ADGRG1: variants seen among roughly 807,000 people sequenced by gnomAD.
The protein encoded by ADGRG1 is adhesion G protein-coupled receptor G1.
Under a neutral mutation model 73.5 loss-of-function variants are expected in ADGRG1, and 53 were observed. That is an observed-to-expected ratio of 0.72 (90% CI 0.58 to 0.91). The LOEUF is 0.91. ADGRG1 is among the 40% of genes least tolerant of loss of function. The pLI is 0.00. For synonymous variants in ADGRG1, 394 were observed against 374.4 expected (o/e 1.05, Z -0.60); for missense variants, 795 against 871.8 (o/e 0.91, Z 1.11).
chr16:57,622,855 TG>T, upstream of ADGRG1: 1 of 985,170 alleles, frequency 1.0e-6, no homozygotes, highest in Non-Finnish European at 1.2e-6. Flanking sequence ...CAGGCGGGGG[TG>T]GACCTTGGAG....
intron 1 of ADGRG1, chr16:57,643,819 G>A (rs2041485306): frequency 1.0e-6 from 1 of 984,544 alleles, no homozygotes; most frequent in Non-Finnish European, 1.2e-6. Flanking sequence ...ATGGGGGAGG[G>A]GAGTGGGAAT....
intron 1 of ADGRG1, chr16:57,646,738 ACAGCCTTCCC>A: frequency 1.0e-6 from 1 of 972,712 alleles, no homozygotes; most frequent in Non-Finnish European, 1.2e-6. Flanking sequence ...CTCAGAACAC[ACAGCCTTCCC>A]CAGCCTCAGT....
At chr16:57,644,184 C>T (rs1437641374) in intron 1 of ADGRG1, 2 of 985,218 alleles carry the variant, frequency 2.0e-6, no homozygotes, top group Non-Finnish European at 2.4e-6. Flanking sequence ...CTTTCTCCTC[C>T]TGGCCCCATG....
At chr16:57,642,331 A>T (rs757210461) in intron 1 of ADGRG1, 8 of 985,288 alleles carry the variant, frequency 8.1e-6, no homozygotes, top group Non-Finnish European at 9.6e-6. Context: ...AGTGTCAGGG[A>T]TGATGATGAG....
chr16:57,650,128 CT>C, intron 1 of ADGRG1, 124 bp from the exon 2 acceptor site: 2 of 1,520,522 alleles, frequency 1.3e-6, no homozygotes, highest in Non-Finnish European at 1.8e-6. Flanking sequence ...GGTCCATGGG[CT>C]TTTTCCACAC....
At chr16:57,634,598 A>G in intron 1 of ADGRG1, 1 of 459,466 alleles carries the variant, frequency 2.2e-6, no homozygotes, top group Non-Finnish European at 2.9e-6. Context: ...CAGAGCCCGA[A>G]CCCAGTCTCC....
At position 57,640,826 on chromosome 16, in the gene ADGRG1, T is replaced by C. The variant is rs1271844867; in HGVS notation, c.-35-9427T>C. ...TGGTGGCCAGCCTGGGAATGCTAAGTGTCCTGCGCTCCAAAGATGGGAGTT... is the reference window on the plus strand; with the variant it reads ...TGGTGGCCAGCCTGGGAATGCTAAGCGTCCTGCGCTCCAAAGATGGGAGTT... On this transcript the variant is annotated intron_variant, in intron 1 of 13. Coordinates refer to ENST00000562631, the MANE Select transcript of ADGRG1 (RefSeq NM_201525.4). 23 of 923,568 alleles carry C rather than the reference T, an allele frequency of 2.5e-5. No individual in the cohort carries two copies. The African/African-American group carries it at 3.7e-4, about 15-fold the overall frequency. 57.2% of individuals were successfully genotyped at this position (923,568 alleles called of 1,614,324 possible).
At chr16:57,631,049 C>A in intron 1 of ADGRG1, 1 of 985,326 alleles carries the variant, frequency 1.0e-6, no homozygotes, top group Non-Finnish European at 1.2e-6. Context: ...CCCAGCAGGA[C>A]GGGGAGGGCC....
intron 1 of ADGRG1, chr16:57,645,074 C>T (rs1392829252): frequency 1.0e-6 from 1 of 985,318 alleles, no homozygotes; most frequent in Non-Finnish European, 1.2e-6. Context: ...CACACACACC[C>T]ACATGCCTGT....
At chr16:57,646,860 G>A in intron 1 of ADGRG1, 8 of 883,164 alleles carry the variant, frequency 9.1e-6, no homozygotes, top group Non-Finnish European at 1.1e-5. Flanking sequence ...ATCATTGCGG[G>A]GGTGTTGCTA....
intron 13 of ADGRG1, 136 bp downstream of exon 13, chr16:57,662,101 C>T (rs2047243403): frequency 2.6e-6 from 2 of 767,640 alleles, no homozygotes; most frequent in Admixed American, 1.9e-5. Flanking sequence ...TGGGGACATC[C>T]AGGCCACAGT....
At chr16:57,627,119 G>A, upstream of ADGRG1, 1 of 889,776 alleles carries the variant, frequency 1.1e-6, no homozygotes, top group Non-Finnish European at 1.3e-6. Context: ...GCACCCCACG[G>A]GGTGGCTTTG....
At position 57,651,299 on chromosome 16, in the gene ADGRG1, G is replaced by A. The variant is rs1168999160; in HGVS notation, c.164G>A (p.Arg55His). 14 of 1,614,110 alleles carry A rather than the reference G, an allele frequency of 8.7e-6. No homozygotes were observed. The highest frequency in any genetic ancestry group is 1.2e-5 in the Non-Finnish European group (14 of 1,179,994). ...SLHYKPTPDL[R>H]ISIENSEEAL... is the part of the protein sequence containing the mutation. ...CACTACAAACCCACACCAGACCTGCGCATCTCCATCGAGAACTCCGAAGAG... is the reference window on the plus strand; with the variant it reads ...CACTACAAACCCACACCAGACCTGCACATCTCCATCGAGAACTCCGAAGAG... The change falls in exon 3 of 14, where the codon CGC becomes CAC. Residue 55 changes from arginine (R) to histidine (H), a missense_variant. By Grantham distance (29) the Arg-to-His change is conservative. Transcript: ENST00000562631.
At chr16:57,660,420 C>G in intron 11 of ADGRG1, 2 of 979,292 alleles carry the variant, frequency 2.0e-6, no homozygotes, top group Non-Finnish European at 2.4e-6. Flanking sequence ...CAGACGTCCC[C>G]TGATGGCAGA....
chr16:57,623,900 CTG>C (rs2035348069), upstream of ADGRG1: 7 of 820,144 alleles, frequency 8.5e-6, no homozygotes, highest in South Asian at 3.9e-4. Context: ...GGTCCTGACT[CTG>C]TTGCCAACTT....
chr16:57,626,726 G>A (rs564867912), upstream of ADGRG1: 1 of 985,434 alleles, frequency 1.0e-6, no homozygotes, highest in African/African-American at 1.7e-5. Flanking sequence ...GTGTGTGGTG[G>A]TGGTGGTGGG....
intron 5 of ADGRG1, among the ~76,000 whole-genome samples, chr16:57,654,739 G>A (rs1183071534): frequency 2.0e-5 from 3 of 152,074 alleles, no homozygotes; most frequent in African/African-American, 7.2e-5. Context: ...AATTAGCCGG[G>A]CATGGTAGTA....
At chr16:57,654,409 A>ACCC (rs72461004) in intron 5 of ADGRG1, among the ~76,000 whole-genome samples, 18 of 45,074 alleles carry the variant, frequency 4.0e-4, no homozygotes, top group Non-Finnish European at 8.0e-4. Flanking sequence ...CTGTCCACGC[A>ACCC]CCCCCCCCCC....
chr16:57,662,292 G>A (rs191712209), intron 13 of ADGRG1, among the ~76,000 whole-genome samples: 2 of 152,196 alleles, frequency 1.3e-5, no homozygotes, highest in South Asian at 2.1e-4. Context: ...GGACATCGTC[G>A]TGAGCACGTG....
Sources: allele counts gnomAD v4.1 joint callset (sites outside exome capture counted in the v4.1 genomes callset), GRCh38; gene constraint gnomAD v4.1.1; transcripts MANE v1.5; gene names NCBI Gene and HGNC (gene_info 2026-07-23, HGNC 2026-07-21).